Variants in GRID2 observed in about 807,000 individuals in gnomAD.
GRID2 encodes the protein glutamate receptor ionotropic, delta-2.
In GRID2, 33 loss-of-function variants were observed where a neutral mutation model predicts 114.8. That is an observed-to-expected ratio of 0.29 (90% CI 0.22 to 0.38). The LOEUF (loss-of-function observed/expected upper bound fraction) is 0.38. Ranked by LOEUF, GRID2 falls within the 10% of genes least tolerant of loss-of-function variation. The probability of loss-of-function intolerance (pLI) is 1.00; values close to 1 mark genes in which losing one functional copy is unlikely to be tolerated. For missense variants in GRID2, 1,184 were observed against 1,257.7 expected (o/e 0.94, Z 0.89); for synonymous variants, 505 against 449.9 (o/e 1.12, Z -1.55).
chr4:93,799,208 G>A (rs1445493080), intron 1 of GRID2, among the ~76,000 whole-genome samples: 9 of 152,170 alleles, frequency 5.9e-5, no homozygotes, highest in Admixed American at 5.9e-4. Flanking sequence ...TCATTGCAAT[G>A]CACTGTTAAG....
intron 3 of GRID2, among the ~76,000 whole-genome samples, chr4:93,108,813 T>C (rs1375400004): frequency 1.3e-5 from 2 of 151,996 alleles, no homozygotes; most frequent in African/African-American, 4.8e-5. Flanking sequence ...GTATTTTTAG[T>C]AGAGATGGGG....
At chr4:92,806,263 C>T (rs111547643) in intron 2 of GRID2, among the ~76,000 whole-genome samples, 3 of 151,448 alleles carry the variant, frequency 2.0e-5, no homozygotes, top group African/African-American at 7.3e-5. Flanking sequence ...TCCATTCACT[C>T]CTTAGGATAC....
At chr4:93,280,873 C>T (rs1752573265) in intron 8 of GRID2, among the ~76,000 whole-genome samples, 1 of 151,746 alleles carries the variant, frequency 6.6e-6, no homozygotes, top group African/African-American at 2.4e-5. Flanking sequence ...ATTCAGTAGT[C>T]AACAAATATT....
At chr4:92,434,265 A>T (rs576706918) in intron 1 of GRID2, among the ~76,000 whole-genome samples, 1 of 152,192 alleles carries the variant, frequency 6.6e-6, no homozygotes, top group Non-Finnish European at 1.5e-5. Flanking sequence ...GCCACACAGC[A>T]AAAGATGGTC....
chr4:93,632,326 C>T (rs1242373871), intron 14 of GRID2, among the ~76,000 whole-genome samples: 2 of 152,130 alleles, frequency 1.3e-5, no homozygotes, highest in Non-Finnish European at 2.9e-5. Context: ...CCTAGGTTTT[C>T]TTCTAGGGTT....
chr4:93,250,623 T>C (rs968669582), intron 8 of GRID2, among the ~76,000 whole-genome samples: 16 of 144,866 alleles, frequency 1.1e-4, no homozygotes, highest in Non-Finnish European at 1.9e-4. Flanking sequence ...GCAAAACTTT[T>C]CTACTGAAAT....
chr4:93,044,307 A>G (rs1725913275), intron 2 of GRID2, among the ~76,000 whole-genome samples: 1 of 152,126 alleles, frequency 6.6e-6, no homozygotes, highest in Non-Finnish European at 1.5e-5. Context: ...TTAGCAATTT[A>G]TATATTACAT....
intron 3 of GRID2, among the ~76,000 whole-genome samples, chr4:93,105,743 C>T (rs988735202): frequency 2.8e-4 from 43 of 152,194 alleles, no homozygotes; most frequent in African/African-American, 9.2e-4. Flanking sequence ...TGAGTCTCAA[C>T]ACATTCTTCA....
chr4:93,515,494 G>T, intron 13 of GRID2, 83 bp downstream of exon 13: 1 of 954,800 alleles, frequency 1.0e-6, no homozygotes, highest in South Asian at 1.6e-5. Context: ...TGTTTTTTTT[G>T]TTTTGTTTTT....
Position 93,506,808 on chromosome 4 carries a change from C to T in GRID2, c.1998-8408C>T, listed in dbSNP as rs185916283. 3.3e-5 allele frequency among the ~76,000 whole-genome samples: 5 copies of T among 152,190 alleles called. No homozygotes were observed. The East Asian group carries it at 7.8e-4, about 24-fold the overall frequency. ...TCTGCCTTGCCTGGTATCATTCTACCGTGCTGGCCTCAGACCTCAGCTTGC... is the reference window on the plus strand; with the variant it reads ...TCTGCCTTGCCTGGTATCATTCTACTGTGCTGGCCTCAGACCTCAGCTTGC... On this transcript the variant is annotated intron_variant, in intron 12 of 15. Coordinates refer to ENST00000282020, the MANE Select transcript of GRID2 (RefSeq NM_001510.4).
chr4:93,063,676 G>T (rs1052453367), intron 2 of GRID2, among the ~76,000 whole-genome samples: 1 of 151,564 alleles, frequency 6.6e-6, no homozygotes, highest in African/African-American at 2.4e-5. Flanking sequence ...TTTGAATTTT[G>T]AAATGAAAAA....
intron 2 of GRID2, among the ~76,000 whole-genome samples, chr4:92,706,967 C>T (rs186650567): frequency 6.6e-6 from 1 of 152,126 alleles, no homozygotes; most frequent in East Asian, 1.9e-4. Context: ...TTTTTATAGC[C>T]ATCACATTCA....
In GRID2 at chr4:93,494,024, C is replaced by T. The variant is rs548342273; in HGVS notation, c.1997+3247C>T. On this transcript the variant is annotated intron_variant, in intron 12 of 15. Transcript: ENST00000282020. ...TTTAAAGATATCTTCTAATTTCATG[C>T]CTCAACAGTGTTGGTAAACATAATT... is the stretch of plus-strand genomic sequence containing the variant. 7.9e-5 allele frequency among the ~76,000 whole-genome samples: 12 copies of T among 151,908 alleles called. No individual in the cohort carries two copies. In the South Asian group the frequency reaches 1.9e-3, roughly 24 times the overall value.
intron 1 of GRID2, among the ~76,000 whole-genome samples, chr4:92,392,705 CTATT>C (rs533044863): frequency 7.2e-4 from 110 of 152,164 alleles, no homozygotes; most frequent in African/African-American, 2.6e-3. Flanking sequence ...CTCAAAATTA[CTATT>C]TAAACTTTAG....
intron 8 of GRID2, among the ~76,000 whole-genome samples, chr4:93,364,630 C>T (rs1406958900): frequency 6.6e-6 from 1 of 151,974 alleles, no homozygotes; most frequent in Non-Finnish European, 1.5e-5. Context: ...TCAAATGCCA[C>T]CACATTTGAC....
intron 2 of GRID2, among the ~76,000 whole-genome samples, chr4:92,704,726 T>C (rs1734864424): frequency 1.1e-5 from 1 of 91,586 alleles, no homozygotes; most frequent in Non-Finnish European, 2.4e-5. Flanking sequence ...TCTCTCTTTC[T>C]CTCTCTCTCT....
At chr4:93,165,188 C>T (rs1288973028) in intron 4 of GRID2, among the ~76,000 whole-genome samples, 2 of 152,106 alleles carry the variant, frequency 1.3e-5, no homozygotes, top group South Asian at 2.1e-4. Context: ...AAGCAGATAT[C>T]ACATCAACTG....
chr4:92,898,610 A>G (rs1228781574), intron 2 of GRID2, among the ~76,000 whole-genome samples: 2 of 152,152 alleles, frequency 1.3e-5, no homozygotes, highest in African/African-American at 2.4e-5. Context: ...GCAGAAGAGG[A>G]GAGAAAAAGG....
At chr4:93,518,002 T>TATGTATGTATATACATAC (rs1578174559) in intron 13 of GRID2, among the ~76,000 whole-genome samples, 1 of 48,926 alleles carries the variant, frequency 2.0e-5, no homozygotes, top group African/African-American at 7.7e-5. Context: ...CATACATGTA[T>TATGTATGTATATACATAC]ATGTATGTAT....
Sources: allele counts gnomAD v4.1 joint callset (sites outside exome capture counted in the v4.1 genomes callset), GRCh38; gene constraint gnomAD v4.1.1; transcripts MANE v1.5; gene names NCBI Gene and HGNC (gene_info 2026-07-23, HGNC 2026-07-21).